The following CHODL variants were observed in gnomAD, a reference collection of about 807,000 sequenced individuals.
The protein encoded by CHODL is chondrolectin.
In CHODL, 29 loss-of-function variants were observed where a neutral mutation model predicts 34.5. The observed-to-expected ratio is 0.84, with a 90% CI of 0.63 to 1.15. The LOEUF (loss-of-function observed/expected upper bound fraction) is 1.15, where lower values mean the gene tolerates loss of function less well. CHODL is among the 50% of genes most tolerant of loss of function. The pLI is 0.00. For missense variants in CHODL, 332 were observed against 332.5 expected (o/e 1.00, Z 0.01); for synonymous variants, 125 against 116.1 (o/e 1.08, Z -0.49).
intron 2 of CHODL, among the ~76,000 whole-genome samples, chr21:18,143,886 A>T (rs544629682): frequency 2.0e-5 from 3 of 152,232 alleles, no homozygotes; most frequent in East Asian, 3.9e-4. Context: ...TTCGACATTT[A>T]TTCAATATAA....
chr21:18,179,178 G>T (rs1016313646), intron 2 of CHODL, among the ~76,000 whole-genome samples: 1 of 152,044 alleles, frequency 6.6e-6, no homozygotes, highest in Non-Finnish European at 1.5e-5. Flanking sequence ...GGTGGTGCAG[G>T]ACTTACCCAT....
At chr21:18,132,769 T>A (rs1259754612) in intron 2 of CHODL, among the ~76,000 whole-genome samples, 3 of 152,152 alleles carry the variant, frequency 2.0e-5, no homozygotes, top group Non-Finnish European at 4.4e-5. Flanking sequence ...GTACTAGAAA[T>A]CTTTTTGTTC....
chr21:17,980,895 G>A (rs1422060669), intron 1 of CHODL, among the ~76,000 whole-genome samples: 2 of 152,164 alleles, frequency 1.3e-5, no homozygotes, highest in Non-Finnish European at 2.9e-5. Flanking sequence ...AAGAGTCTGG[G>A]CTCCAGTGTA....
At chr21:18,139,511 A>G (rs1434441092) in intron 2 of CHODL, among the ~76,000 whole-genome samples, 1 of 152,100 alleles carries the variant, frequency 6.6e-6, no homozygotes, top group Non-Finnish European at 1.5e-5. Flanking sequence ...GCAGAGACTG[A>G]GTTAATGGAA....
At chr21:18,237,331 C>T (rs1411529443) in intron 2 of CHODL, among the ~76,000 whole-genome samples, 2 of 151,940 alleles carry the variant, frequency 1.3e-5, no homozygotes, top group Non-Finnish European at 1.5e-5. Context: ...TTACGTATAG[C>T]GAAAGTAAGG....
At chr21:17,980,444 G>A (rs147242992) in intron 1 of CHODL, among the ~76,000 whole-genome samples, 2 of 152,108 alleles carry the variant, frequency 1.3e-5, no homozygotes, top group South Asian at 4.1e-4. Context: ...TCATTTGACT[G>A]GACTAATATT....
At chr21:17,920,400 G>T (rs1299029069) in intron 1 of CHODL, among the ~76,000 whole-genome samples, 1 of 152,234 alleles carries the variant, frequency 6.6e-6, no homozygotes, top group Non-Finnish European at 1.5e-5. Flanking sequence ...CAAAGAGAGA[G>T]CTTGTGCAGG....
At chr21:17,927,620 G>A (rs1165144669) in intron 1 of CHODL, among the ~76,000 whole-genome samples, 9 of 152,238 alleles carry the variant, frequency 5.9e-5, no homozygotes, top group African/African-American at 9.6e-5. Flanking sequence ...AGCAGCAGCT[G>A]TAGGGTGGGA....
At chr21:17,954,008 C>CAG (rs2063478846) in intron 1 of CHODL, among the ~76,000 whole-genome samples, 2 of 147,722 alleles carry the variant, frequency 1.4e-5, no homozygotes, top group African/African-American at 5.0e-5. Flanking sequence ...GACTCTGTCT[C>CAG]AAAAAAAATT....
chr21:18,082,985 A>G (rs369832137), intron 2 of CHODL, among the ~76,000 whole-genome samples: 6 of 152,168 alleles, frequency 3.9e-5, no homozygotes, highest in African/African-American at 1.4e-4. Flanking sequence ...GCGTTAGTAA[A>G]AATGAACCAA....
intron 2 of CHODL, among the ~76,000 whole-genome samples, chr21:18,145,311 C>A (rs1025998948): frequency 6.7e-6 from 1 of 148,840 alleles, no homozygotes; most frequent in Admixed American, 6.7e-5. Context: ...GTGGCGGGCG[C>A]CTGTAGTCCC....
chr21:18,072,621 A>G (rs2064819289), intron 2 of CHODL, among the ~76,000 whole-genome samples: 1 of 152,130 alleles, frequency 6.6e-6, no homozygotes, highest in Non-Finnish European at 1.5e-5. Context: ...GTGTATGTGT[A>G]GTAACAATTC....
At chr21:18,205,445 G>A (rs574487303) in intron 2 of CHODL, among the ~76,000 whole-genome samples, 13 of 151,130 alleles carry the variant, frequency 8.6e-5, no homozygotes, top group African/African-American at 1.2e-4. Context: ...TCACTAGATC[G>A]TGATAATGAT....
At chr21:18,126,981 C>T (rs144021538) in intron 2 of CHODL, among the ~76,000 whole-genome samples, 2 of 152,316 alleles carry the variant, frequency 1.3e-5, no homozygotes, top group East Asian at 1.9e-4. Flanking sequence ...TGAACTCTCA[C>T]AATGCCACTT....
chr21:18,246,459 A>G (rs2074142887), intron 1 of CHODL, among the ~76,000 whole-genome samples: 1 of 152,110 alleles, frequency 6.6e-6, no homozygotes, highest in South Asian at 2.1e-4. Flanking sequence ...CCCCTTAGCA[A>G]TTTGTGATGT....
chr21:17,980,091 C>CA (rs1355448201), intron 1 of CHODL, among the ~76,000 whole-genome samples: 1 of 134,968 alleles, frequency 7.4e-6, no homozygotes, highest in Non-Finnish European at 1.6e-5. Flanking sequence ...TAAATTCATC[C>CA]TTTTTTTTTT....
chr21:18,195,477 C>T (rs2073576136), intron 2 of CHODL, among the ~76,000 whole-genome samples: 1 of 152,176 alleles, frequency 6.6e-6, no homozygotes, highest in East Asian at 1.9e-4. Context: ...CCATCACCCG[C>T]AGTCCTCAGC....
chr21:18,126,337 C>T (rs921565494), intron 2 of CHODL, among the ~76,000 whole-genome samples: 4 of 151,968 alleles, frequency 2.6e-5, no homozygotes, highest in Non-Finnish European at 5.9e-5. Context: ...TTTTAAGAAA[C>T]AATGCTGTTG....
chr21:18,080,983 C>A (rs1306179494), intron 2 of CHODL, among the ~76,000 whole-genome samples: 1 of 151,982 alleles, frequency 6.6e-6, no homozygotes, highest in Admixed American at 6.6e-5. Flanking sequence ...GGATGTTTTC[C>A]CATTTGTTTA....
Sources: gnomAD v4.1 joint callset for allele counts (sites outside exome capture counted in the v4.1 genomes callset) on GRCh38, gnomAD v4.1.1 for gene constraint, MANE v1.5 for transcripts, NCBI Gene and HGNC (gene_info 2026-07-23, HGNC 2026-07-21) for gene names.